FRMD4B: variants seen among roughly 807,000 people sequenced by gnomAD.
FRMD4B encodes the protein FERM domain containing 4B, also known as FERM domain-containing protein 4B.
A neutral mutation model predicts 141.5 loss-of-function variants in FRMD4B; 74 were observed. That is an observed-to-expected ratio of 0.52 (90% CI 0.43 to 0.63). FRMD4B has a LOEUF of 0.63. Among genes scored for constraint, FRMD4B ranks in the 30% least tolerant of loss-of-function variants. The pLI, the probability that FRMD4B is intolerant of heterozygous loss-of-function variation, is 0.00. For synonymous variants in FRMD4B, 506 were observed against 467.9 expected, an observed-to-expected ratio of 1.08 and a Z score of -1.05; for missense variants, 1,366 against 1,253.4, an observed-to-expected ratio of 1.09 and a Z score of -1.36.
intron 2 of FRMD4B, among the ~76,000 whole-genome samples, chr3:69,415,878 G>A (rs1334972997): frequency 2.6e-5 from 4 of 152,176 alleles, no homozygotes; most frequent in Non-Finnish European, 5.9e-5. Context: ...AATACTCAGT[G>A]TATTCGGTTA....
intron 7 of FRMD4B, among the ~76,000 whole-genome samples, chr3:69,243,688 C>T (rs923700044): frequency 6.6e-6 from 1 of 152,186 alleles, no homozygotes; most frequent in South Asian, 2.1e-4. Context: ...ACATTTATTA[C>T]TTTGTTCAAT....
chr3:69,462,921 C>G (rs1198204575), intron 1 of FRMD4B, among the ~76,000 whole-genome samples: 2 of 152,244 alleles, frequency 1.3e-5, no homozygotes, highest in Admixed American at 1.3e-4. Flanking sequence ...CAGCTTGTCA[C>G]AAAGCCAGCT....
chr3:69,260,554 C>A (rs1019647386), intron 5 of FRMD4B, among the ~76,000 whole-genome samples: 4 of 152,252 alleles, frequency 2.6e-5, no homozygotes, highest in Non-Finnish European at 4.4e-5. Flanking sequence ...CCTGAGCCCC[C>A]CCTTGGTGGG....
chr3:69,478,354 T>A (rs1252034820), intron 1 of FRMD4B, among the ~76,000 whole-genome samples: 3 of 152,198 alleles, frequency 2.0e-5, no homozygotes, highest in Admixed American at 2.0e-4. Context: ...TGCTATGAAT[T>A]TCCCTCTACA....
At chr3:69,363,942 A>G (rs1703556657) in intron 1 of FRMD4B, among the ~76,000 whole-genome samples, 1 of 152,180 alleles carries the variant, frequency 6.6e-6, no homozygotes, top group African/African-American at 2.4e-5. Context: ...CATTTACTCC[A>G]GGTGCCACAC....
At chr3:69,349,684 T>A (rs561994542) in intron 1 of FRMD4B, among the ~76,000 whole-genome samples, 1 of 152,102 alleles carries the variant, frequency 6.6e-6, no homozygotes, top group African/African-American at 2.4e-5. Context: ...TCTACAACCA[T>A]CTGATCTTTG....
At chr3:69,472,707 T>A (rs1460164279) in intron 1 of FRMD4B, among the ~76,000 whole-genome samples, 2 of 152,002 alleles carry the variant, frequency 1.3e-5, no homozygotes, top group Non-Finnish European at 2.9e-5. Flanking sequence ...GAAAGTTTAA[T>A]AAGCAAAAGA....
intron 2 of FRMD4B, among the ~76,000 whole-genome samples, chr3:69,415,150 G>A (rs980489557): frequency 3.3e-5 from 5 of 152,066 alleles, no homozygotes; most frequent in Non-Finnish European, 5.9e-5. Context: ...AGGCATGAGC[G>A]ACTGTGCCCG....
chr3:69,200,446 G>A (rs1330028554), intron 11 of FRMD4B: 1 of 994,304 alleles, frequency 1.0e-6, no homozygotes, highest in Admixed American at 5.8e-5. Flanking sequence ...GGACAGAAAT[G>A]TGAGGAAAAA....
At chr3:69,299,794 A>G (rs969194966) in intron 4 of FRMD4B, among the ~76,000 whole-genome samples, 8 of 152,008 alleles carry the variant, frequency 5.3e-5, no homozygotes, top group African/African-American at 1.9e-4. Context: ...ATTCTTTTTC[A>G]TTGTGCATTA....
intron 1 of FRMD4B, among the ~76,000 whole-genome samples, chr3:69,479,320 G>A (rs1706072103): frequency 2.6e-5 from 4 of 151,148 alleles, no homozygotes; most frequent in Non-Finnish European, 4.4e-5. Flanking sequence ...TTTACAATTT[G>A]GCATGATTTT....
chr3:69,404,201 A>G (rs1190264044), intron 2 of FRMD4B, among the ~76,000 whole-genome samples: 1 of 152,212 alleles, frequency 6.6e-6, no homozygotes, highest in African/African-American at 2.4e-5. Context: ...CTGGTCTCCT[A>G]AGAATGTTTT....
chr3:69,323,302 C>T (rs1439800021), intron 1 of FRMD4B, among the ~76,000 whole-genome samples: 1 of 152,034 alleles, frequency 6.6e-6, no homozygotes, highest in East Asian at 1.9e-4. Flanking sequence ...CGTGGTGGCT[C>T]ATGCCTGTAA....
chr3:69,255,969 C>T (rs1398453469), intron 5 of FRMD4B, among the ~76,000 whole-genome samples: 2 of 152,050 alleles, frequency 1.3e-5, no homozygotes, highest in African/African-American at 4.8e-5. Context: ...CTCTGGCTTG[C>T]ACCTGTAGTC....
At chr3:69,300,744 T>C (rs938650661) in intron 4 of FRMD4B, among the ~76,000 whole-genome samples, 3 of 152,180 alleles carry the variant, frequency 2.0e-5, no homozygotes, top group Admixed American at 6.5e-5. Flanking sequence ...TTTGTTTTTG[T>C]TTTTGTTTTT....
At chr3:69,205,050 T>C (rs1221412650) in intron 11 of FRMD4B, among the ~76,000 whole-genome samples, 10 of 63,382 alleles carry the variant, frequency 1.6e-4, no homozygotes, top group Admixed American at 3.9e-4. Context: ...GTATCTGTTA[T>C]GTTTTTAACA....
At chr3:69,437,978 A>G (rs2106853498) in intron 1 of FRMD4B, among the ~76,000 whole-genome samples, 1 of 141,554 alleles carries the variant, frequency 7.1e-6, no homozygotes, top group East Asian at 2.1e-4. Flanking sequence ...AATATATACT[A>G]TTATTGTAAA....
intron 3 of FRMD4B, among the ~76,000 whole-genome samples, chr3:69,308,102 T>C (rs555469130): frequency 3.9e-5 from 6 of 152,302 alleles, no homozygotes; most frequent in Non-Finnish European, 8.8e-5. Context: ...CCAGTCCTCC[T>C]TCAGTTTCCT....
intron 19 of FRMD4B, among the ~76,000 whole-genome samples, chr3:69,186,546 T>C (rs1048099565): frequency 1.3e-5 from 2 of 152,212 alleles, no homozygotes; most frequent in African/African-American, 4.8e-5. Flanking sequence ...ACCCTGTCTC[T>C]ATTAAAAATA....
Sources: gnomAD v4.1 joint callset for allele counts (sites outside exome capture counted in the v4.1 genomes callset) on GRCh38, gnomAD v4.1.1 for gene constraint, MANE v1.5 for transcripts, NCBI Gene and HGNC (gene_info 2026-07-23, HGNC 2026-07-21) for gene names.